PTPRG: variants seen among roughly 807,000 people sequenced by gnomAD.
PTPRG encodes protein tyrosine phosphatase receptor type G.
Under a neutral mutation model 165.3 loss-of-function variants are expected in PTPRG, and 102 were observed. That is an observed-to-expected ratio of 0.62 (90% confidence interval 0.53 to 0.73). PTPRG has a LOEUF of 0.73. Ranked by LOEUF, PTPRG falls within the 30% of genes least tolerant of loss-of-function variation. The probability of loss-of-function intolerance (pLI) is 0.00; values close to 1 mark genes in which losing one functional copy is unlikely to be tolerated. For synonymous variants in PTPRG, 675 were observed against 669.5 expected (o/e 1.01, Z -0.13); for missense variants, 1,866 against 1,861.4 (o/e 1.00, Z -0.05).
intron 2 of PTPRG, among the ~76,000 whole-genome samples, chr3:61,969,321 A>G (rs1163542971): frequency 6.6e-6 from 1 of 152,190 alleles, no homozygotes; most frequent in African/African-American, 2.4e-5. Flanking sequence ...GGTCTGGGGT[A>G]GAGGGAACCT....
At position 62,273,100 on chromosome 3, in the gene PTPRG, C is replaced by A; in HGVS notation, c.3318+19C>A. 2 of 1,591,292 alleles carry A rather than the reference C, an allele frequency of 1.3e-6. No homozygotes were observed. The highest frequency in any genetic ancestry group is 1.7e-6 in the Non-Finnish European group (2 of 1,170,878). On this transcript the variant is annotated intron_variant, in intron 22 of 29. Transcript: ENST00000474889. The surrounding 1 kb of genome is among the most constrained non-coding windows in gnomAD (Gnocchi z 4.1). The stretch of plus-strand genomic sequence containing the variant: ...GACTGAGGTAAGGAGTAGCTGCCAG[C>A]GTCCTCACGACATTCTGGCAAATGC...
At chr3:62,153,440 A>G (rs1253745191) in intron 6 of PTPRG, among the ~76,000 whole-genome samples, 4 of 152,248 alleles carry the variant, frequency 2.6e-5, no homozygotes, top group Non-Finnish European at 5.9e-5. Flanking sequence ...ATCAAATGTC[A>G]GTTAATTCGA....
intron 7 of PTPRG, among the ~76,000 whole-genome samples, chr3:62,163,773 C>T (rs1704860059): frequency 3.9e-5 from 6 of 152,156 alleles, no homozygotes. Context: ...TGAATAGTTA[C>T]AAAAACCACA....
rs1389879637 is a variant in PTPRG at position 61,582,331 on chromosome 3, A to G, written c.85+19959A>G. On this transcript the variant is annotated intron_variant, in intron 1 of 29. Coordinates refer to ENST00000474889, the MANE Select transcript of PTPRG (RefSeq NM_002841.4). The stretch of plus-strand genomic sequence containing the variant: ...AATGCTGAGTATATCATATATTCAT[A>G]CATGTCATTATATCTAAATGATAAA... 3.3e-5 allele frequency among the ~76,000 whole-genome samples: 5 copies of G among 152,176 alleles called. No homozygotes were observed. In the East Asian group the frequency reaches 9.6e-4, roughly 29 times the overall value.
At chr3:61,718,112 G>A (rs1391961203) in intron 1 of PTPRG, among the ~76,000 whole-genome samples, 2 of 151,848 alleles carry the variant, frequency 1.3e-5, no homozygotes, top group East Asian at 3.9e-4. Flanking sequence ...ACTGGGTGGT[G>A]GAGGTTGCAG....
At chr3:61,888,456 C>T (rs2038116847) in intron 2 of PTPRG, among the ~76,000 whole-genome samples, 1 of 152,056 alleles carries the variant, frequency 6.6e-6, no homozygotes, top group Non-Finnish European at 1.5e-5. Flanking sequence ...GCCTCAGCCT[C>T]CCGAGTAGCT....
intron 20 of PTPRG, among the ~76,000 whole-genome samples, chr3:62,269,897 A>C (rs1018156202): frequency 2.2e-4 from 34 of 152,156 alleles, no homozygotes; most frequent in Admixed American, 2.2e-3. Flanking sequence ...TATTTATAAC[A>C]ATGTCTTTTC....
At chr3:61,926,071 A>G (rs1428801597) in intron 2 of PTPRG, among the ~76,000 whole-genome samples, 1 of 152,208 alleles carries the variant, frequency 6.6e-6, no homozygotes, top group Non-Finnish European at 1.5e-5. Flanking sequence ...CAAGATCTGC[A>G]GGTCATTCAC....
intron 2 of PTPRG, among the ~76,000 whole-genome samples, chr3:61,807,263 C>T (rs866556678): frequency 1.3e-5 from 2 of 152,202 alleles, no homozygotes; most frequent in African/African-American, 4.8e-5. Context: ...GATTACCACT[C>T]TGAGAGACCC....
At chr3:62,124,359 T>C (rs945344730) in intron 5 of PTPRG, 3 of 1,612,980 alleles carry the variant, frequency 1.9e-6, no homozygotes, top group African/African-American at 2.7e-5. Flanking sequence ...CTGACAATAG[T>C]GGGATGCAAG....
chr3:62,085,374 G>T (rs1484590873), intron 5 of PTPRG, among the ~76,000 whole-genome samples: 1 of 152,102 alleles, frequency 6.6e-6, no homozygotes, highest in Non-Finnish European at 1.5e-5. Context: ...CTTTCCTGGG[G>T]CTCCATTGGA....
At chr3:61,821,992 C>A (rs2035971031) in intron 2 of PTPRG, among the ~76,000 whole-genome samples, 1 of 152,226 alleles carries the variant, frequency 6.6e-6, no homozygotes, top group African/African-American at 2.4e-5. Flanking sequence ...TCATAGTAAT[C>A]TATCTTCCTC....
chr3:61,861,848 A>G (rs992785466), intron 2 of PTPRG, among the ~76,000 whole-genome samples: 1 of 152,222 alleles, frequency 6.6e-6, no homozygotes, highest in African/African-American at 2.4e-5. Flanking sequence ...TCTGCCATGC[A>G]TCCCAATGGT....
At chr3:61,792,227 GTTC>G (rs1478478749) in intron 2 of PTPRG, among the ~76,000 whole-genome samples, 1 of 151,888 alleles carries the variant, frequency 6.6e-6, no homozygotes, top group Non-Finnish European at 1.5e-5. Flanking sequence ...GGAAGGACCA[GTTC>G]TTATTCTGTC....
intron 4 of PTPRG, among the ~76,000 whole-genome samples, chr3:62,026,460 C>A (rs1308316562): frequency 6.6e-6 from 1 of 152,162 alleles, no homozygotes; most frequent in Admixed American, 6.5e-5. Context: ...CAAAGAATAA[C>A]ACAGTGAGTT....
At chr3:61,975,978 T>C (rs1257503245) in intron 2 of PTPRG, among the ~76,000 whole-genome samples, 1 of 152,214 alleles carries the variant, frequency 6.6e-6, no homozygotes, top group Non-Finnish European at 1.5e-5. Flanking sequence ...TGTGTTGGAT[T>C]ACAAAGGTGA....
chr3:61,868,714 A>G (rs927443891), intron 2 of PTPRG, among the ~76,000 whole-genome samples: 12 of 152,214 alleles, frequency 7.9e-5, no homozygotes, highest in African/African-American at 2.9e-4. Context: ...GCACAAATAA[A>G]GCAAACTCTC....
chr3:62,037,936 C>A (rs1475958043), intron 4 of PTPRG, among the ~76,000 whole-genome samples: 1 of 152,170 alleles, frequency 6.6e-6, no homozygotes, highest in South Asian at 2.1e-4. Context: ...AATATCATCA[C>A]ACTGAGAAGT....
At chr3:62,076,559 A>T (rs376632640) in intron 4 of PTPRG, among the ~76,000 whole-genome samples, 1 of 150,258 alleles carries the variant, frequency 6.7e-6, no homozygotes. Context: ...GGGATACCCA[A>T]TGGTTCATTT....
Sources: allele counts gnomAD v4.1 joint callset (sites outside exome capture counted in the v4.1 genomes callset), GRCh38; gene constraint gnomAD v4.1.1; non-coding constraint Gnocchi (gnomAD v3.1); transcripts MANE v1.5; gene names NCBI Gene and HGNC (gene_info 2026-07-23, HGNC 2026-07-21).